CSPP1: variants seen among roughly 807,000 people sequenced by gnomAD.
The protein encoded by CSPP1 is centrosome and spindle pole associated protein 1.
In CSPP1, 126 loss-of-function variants were observed where a neutral mutation model predicts 164.4. The observed-to-expected ratio is 0.77, with a 90% confidence interval of 0.66 to 0.89. The LOEUF is 0.89. Ranked by LOEUF, CSPP1 falls within the 40% of genes least tolerant of loss-of-function variation. The probability of loss-of-function intolerance (pLI) is 0.00; values close to 1 mark genes in which losing one functional copy is unlikely to be tolerated. For synonymous variants in CSPP1, 472 were observed against 476.7 expected (o/e 0.99, Z 0.13); for missense variants, 1,395 against 1,449.8 (o/e 0.96, Z 0.61).
chr8:67,179,898 A>G lies in CSPP1; in HGVS notation c.3192A>G (p.Ser1064=). The part of the protein sequence containing the change: ...RDDTSDFLKN[S]LLESDSAFIG... Reference sequence around the variant, plus strand: ...ACACTAGTGATTTCTTGAAAAACTCATTATTGGAATCTGATAGTGCTTTTA... The same window carrying G: ...ACACTAGTGATTTCTTGAAAAACTCGTTATTGGAATCTGATAGTGCTTTTA... The change falls in exon 28 of 31, where the codon TCA becomes TCG. Residue 1064 remains serine (S), a synonymous_variant. Transcript: ENST00000678616. The G allele has an allele frequency of 6.3e-7, 1 of 1,588,630 alleles. No homozygotes were observed. The highest frequency in any genetic ancestry group is 8.6e-7 in the Non-Finnish European group (1 of 1,157,418).
At position 67,196,222 on chromosome 8, in the gene CSPP1, C is replaced by T. The variant is rs1229179523; in HGVS notation, c.*629C>T. On this transcript the variant is annotated 3_prime_UTR_variant, in exon 31 of 31. Coordinates refer to ENST00000678616, the MANE Select transcript of CSPP1 (RefSeq NM_001382391.1). ...TCTTGTTACTAATTACATGATGTAA[C>T]TACTTCTTGATATAAATAAATTTTT... is the stretch of plus-strand genomic sequence containing the variant. The T allele has an allele frequency of 6.6e-6, 1 of 152,192 alleles. No individual in the cohort carries two copies. Among genetic ancestry groups the T allele is most frequent in the African/African-American group, 2.4e-5 (1 of 41,440 alleles). The allele number at this position is 152,192 out of a possible 1,614,324, so 9.4% of individuals were successfully genotyped here.
chr8:67,193,181 A>G (rs999881835), intron 29 of CSPP1, among the ~76,000 whole-genome samples: 3 of 152,092 alleles, frequency 2.0e-5, no homozygotes, highest in Non-Finnish European at 4.4e-5. Context: ...CAGTGGCACA[A>G]TCTCAGCTCA....
chr8:67,180,023 TAAAA>T (rs768421527), intron 28 of CSPP1, 97 bp downstream of exon 28: 54 of 473,598 alleles, frequency 1.1e-4, no homozygotes, highest in Non-Finnish European at 1.3e-4. Context: ...TACAAGGTAG[TAAAA>T]AAAAAAAAAG....
intron 4 of CSPP1, chr8:67,086,363 G>A (rs1331674652): frequency 2.7e-5 from 13 of 481,928 alleles, no homozygotes; most frequent in Middle Eastern, 6.3e-4. Context: ...AAGTGAGATC[G>A]TTAATTATGG....
intron 17 of CSPP1, among the ~76,000 whole-genome samples, chr8:67,144,510 G>T (rs1339882321): frequency 6.6e-6 from 1 of 152,108 alleles, no homozygotes; most frequent in African/African-American, 2.4e-5. Context: ...CATAATCACG[G>T]CTCACTGTAG....
At chr8:67,178,871 GAAGCTGCCAAGGTCTTT>G in intron 27 of CSPP1, among the ~76,000 whole-genome samples, 1 of 152,194 alleles carries the variant, frequency 6.6e-6, no homozygotes, top group Non-Finnish European at 1.5e-5. Flanking sequence ...CATGTGATGG[GAAGCTGCCAAGGTCTTT>G]AAGTGGAGGA....
At chr8:67,094,058 T>G (rs1160088867) in intron 6 of CSPP1, among the ~76,000 whole-genome samples, 1 of 122,838 alleles carries the variant, frequency 8.1e-6, no homozygotes, top group Non-Finnish European at 1.6e-5. Context: ...AGGCAGAGGT[T>G]GCAGTGAGCC....
chr8:67,136,803 G>A (rs940133177), intron 16 of CSPP1, among the ~76,000 whole-genome samples: 2 of 151,594 alleles, frequency 1.3e-5, no homozygotes, highest in African/African-American at 2.4e-5. Context: ...AAAAAGGAAC[G>A]TAGGGAGATC....
chr8:67,118,463 G>A, intron 14 of CSPP1, 94 bp downstream of exon 14: 1 of 1,290,102 alleles, frequency 7.8e-7, no homozygotes, highest in South Asian at 1.2e-5. Flanking sequence ...AATGAGAAAA[G>A]CACAACTTTG....
chr8:67,133,389 A>C (rs988629394), intron 16 of CSPP1, among the ~76,000 whole-genome samples: 4 of 152,234 alleles, frequency 2.6e-5, no homozygotes, highest in African/African-American at 9.6e-5. Flanking sequence ...AATAAAGCAA[A>C]TATCACAATG....
intron 26 of CSPP1, 85 bp downstream of exon 26, chr8:67,175,521 C>A: frequency 1.3e-6 from 2 of 1,491,752 alleles, no homozygotes; most frequent in South Asian, 1.2e-5. Flanking sequence ...TGATTTCATT[C>A]CCAGGCATCC....
At chr8:67,130,903 G>A (rs766355585) in intron 15 of CSPP1, among the ~76,000 whole-genome samples, 1 of 152,036 alleles carries the variant, frequency 6.6e-6, no homozygotes, top group South Asian at 2.1e-4. Context: ...CAGGAGAATC[G>A]CTTAAACCCG....
intron 7 of CSPP1, among the ~76,000 whole-genome samples, chr8:67,100,126 G>T (rs1369730541): frequency 6.6e-6 from 1 of 152,020 alleles, no homozygotes; most frequent in Non-Finnish European, 1.5e-5. Context: ...TGACAGAGTG[G>T]ACTTTTATAA....
chr8:67,182,383 A>G (rs76237424), intron 28 of CSPP1, among the ~76,000 whole-genome samples: 2,298 of 152,112 alleles, frequency 0.015, 61 homozygotes, highest in African/African-American at 0.053. Flanking sequence ...TTATCCAATC[A>G]TCTGTCAGTA....
Position 67,105,903 on chromosome 8 carries a change from A to G in CSPP1, c.1023-2A>G. ...TCTTTTTCTCTGTCTTTTTTTCTTTAGTGCTCCAGACAATGAAACATCCAA... is the reference window on the plus strand; with the variant it reads ...TCTTTTTCTCTGTCTTTTTTTCTTTGGTGCTCCAGACAATGAAACATCCAA... On this transcript the variant is annotated splice_acceptor_variant, in intron 8 of 30. Coordinates refer to ENST00000678616, the MANE Select transcript of CSPP1 (RefSeq NM_001382391.1). LOFTEE classifies it high-confidence loss of function. 1 of 1,518,922 alleles carries G rather than the reference A, an allele frequency of 6.6e-7. No individual in the cohort carries two copies. Among genetic ancestry groups the G allele is most frequent in the Non-Finnish European group, 9.1e-7 (1 of 1,095,764 alleles). The allele number at this position is 1,518,922 out of a possible 1,614,324, so 94.1% of individuals were successfully genotyped here.
chr8:67,088,293 T>C (rs1214735457), intron 4 of CSPP1, among the ~76,000 whole-genome samples: 2 of 151,946 alleles, frequency 1.3e-5, no homozygotes, highest in African/African-American at 4.8e-5. Context: ...TGTTTGTTTT[T>C]TGGTTTTTTT....
rs1172369424 is a variant in CSPP1, at chr8:67,159,509, C to CTTTTTT, written c.2538+396_2538+401dup. Among the ~76,000 whole-genome samples the CTTTTTT allele has an allele frequency of 1.3e-3, 65 of 48,916 alleles. 1 individual carries two copies. The highest frequency in any genetic ancestry group is 1.8e-3 in the Non-Finnish European group (45 of 24,338). 32.1% of individuals were successfully genotyped at this position (48,916 alleles called of 152,430 possible). On this transcript the variant is annotated intron_variant, in intron 21 of 30. Coordinates refer to ENST00000678616, the MANE Select transcript of CSPP1 (RefSeq NM_001382391.1). ...GTTTATATATATATATATATGTATT[C>CTTTTTT]TTTTTTTTTTTTTTTTTTTTTTTTT...
At chr8:67,162,763 G>T (rs1405517642) in intron 22 of CSPP1, among the ~76,000 whole-genome samples, 1 of 152,118 alleles carries the variant, frequency 6.6e-6, no homozygotes, top group Non-Finnish European at 1.5e-5. Flanking sequence ...AACTGTGAAG[G>T]TGTGACAGCT....
At chr8:67,156,349 T>C (rs1826670561) in intron 19 of CSPP1, among the ~76,000 whole-genome samples, 1 of 152,210 alleles carries the variant, frequency 6.6e-6, no homozygotes, top group East Asian at 1.9e-4. Flanking sequence ...ATCAGACTTC[T>C]ATTTATAGGA....
Sources: allele counts gnomAD v4.1 joint callset (sites outside exome capture counted in the v4.1 genomes callset), GRCh38; gene constraint gnomAD v4.1.1; transcripts MANE v1.5; gene names NCBI Gene and HGNC (gene_info 2026-07-23, HGNC 2026-07-21).